Variants in ANK3 observed in about 807,000 individuals in gnomAD.
ANK3 encodes ankyrin 3, also known as ankyrin-3.
Under a neutral mutation model 370.9 loss-of-function variants are expected in ANK3, and 57 were observed. That is an observed-to-expected ratio of 0.15 (90% CI 0.12 to 0.19). ANK3 has a LOEUF of 0.19. Ranked by LOEUF, ANK3 falls within the 10% of genes least tolerant of loss-of-function variation. ANK3 has a pLI of 1.00. For synonymous variants in ANK3, 1,929 were observed against 1,946.3 expected (o/e 0.99, Z 0.23); for missense variants, 4,439 against 5,302.1 (o/e 0.84, Z 5.06).
intron 2 of ANK3, among the ~76,000 whole-genome samples, chr10:60,518,353 T>C (rs985145771): frequency 4.6e-5 from 7 of 152,148 alleles, no homozygotes; most frequent in African/African-American, 1.4e-4. Context: ...CTGTTGCTGC[T>C]CTGGCCTCCT....
intron 2 of ANK3, among the ~76,000 whole-genome samples, chr10:60,498,670 C>T (rs1237530820): frequency 6.6e-6 from 1 of 152,202 alleles, no homozygotes; most frequent in African/African-American, 2.4e-5. Context: ...GGATTACTGC[C>T]TTGATAATAT....
chr10:60,588,278 G>A (rs544595497), intron 2 of ANK3, among the ~76,000 whole-genome samples: 17 of 150,478 alleles, frequency 1.1e-4, no homozygotes, highest in African/African-American at 2.4e-4. Flanking sequence ...TCTGCCTCCC[G>A]GGTTCAAGCA....
At chr10:60,719,828 A>C (rs2079838860) in intron 1 of ANK3, among the ~76,000 whole-genome samples, 1 of 152,194 alleles carries the variant, frequency 6.6e-6, no homozygotes, top group Non-Finnish European at 1.5e-5. Flanking sequence ...ATAAACCAAT[A>C]AAAAATATAT....
intron 1 of ANK3, among the ~76,000 whole-genome samples, chr10:60,286,116 C>G (rs1007100743): frequency 6.6e-6 from 1 of 152,036 alleles, no homozygotes; most frequent in Non-Finnish European, 1.5e-5. Context: ...CATAAACACC[C>G]ACATACCCTC....
intron 2 of ANK3, among the ~76,000 whole-genome samples, chr10:60,575,516 A>G (rs1055630292): frequency 6.6e-6 from 1 of 152,214 alleles, no homozygotes; most frequent in African/African-American, 2.4e-5. Flanking sequence ...TGTTTAAAAT[A>G]TGTCAAATTA....
At chr10:60,237,575 G>C (rs999282671) in intron 7 of ANK3, among the ~76,000 whole-genome samples, 6 of 151,564 alleles carry the variant, frequency 4.0e-5, no homozygotes, top group Non-Finnish European at 8.8e-5. Context: ...TGACAAAAAG[G>C]TGCCTTGAGT....
At chr10:60,683,859 G>T (rs1254204840) in intron 1 of ANK3, among the ~76,000 whole-genome samples, 1 of 152,204 alleles carries the variant, frequency 6.6e-6, no homozygotes, top group Non-Finnish European at 1.5e-5. Context: ...AGAAAGGTAG[G>T]CATGCAGGAA....
intron 2 of ANK3, among the ~76,000 whole-genome samples, chr10:60,528,134 C>CTTTTTTTTTTTTTTTTTTTTTT (rs35837089): frequency 1.6e-5 from 2 of 124,264 alleles, no homozygotes; most frequent in African/African-American, 2.9e-5. Context: ...TTTTCTTCTT[C>CTTTTTTTTTTTTTTTTTTTTTT]TTCTTTTTTT....
chr10:60,494,464 G>T (rs1030722220), intron 2 of ANK3, among the ~76,000 whole-genome samples: 16 of 152,084 alleles, frequency 1.1e-4, no homozygotes, highest in African/African-American at 2.4e-5. Flanking sequence ...AGGCATTCTT[G>T]TGCTATCACT....
chr10:60,138,502 T>A (rs771929893), intron 24 of ANK3: 4 of 401,752 alleles, frequency 1.0e-5, no homozygotes, highest in Non-Finnish European at 1.7e-5. Flanking sequence ...TGGACAACTT[T>A]AATAAACAAC....
intron 1 of ANK3, among the ~76,000 whole-genome samples, chr10:60,314,045 A>G (rs2046931661): frequency 6.6e-6 from 1 of 151,314 alleles, no homozygotes; most frequent in African/African-American, 2.4e-5. Context: ...AAAGTTACCT[A>G]TTGGTTACTG....
intron 1 of ANK3, among the ~76,000 whole-genome samples, chr10:60,384,008 A>G (rs1322795797): frequency 2.0e-5 from 3 of 152,206 alleles, no homozygotes; most frequent in African/African-American, 4.8e-5. Context: ...TAAATACAGA[A>G]CCCAAAGTCC....
rs564513896 is a variant in ANK3, at chr10:60,616,432, A to G, written c.58-1208T>C. ...TCTCTTTCAATACACACAGTCTCACATATACAGTGTTTTAAACAAGATTGA... is the reference window on the plus strand; with the variant it reads ...TCTCTTTCAATACACACAGTCTCACGTATACAGTGTTTTAAACAAGATTGA... On this transcript the variant is annotated intron_variant, in intron 1 of 43. Transcript: ENST00000373827. Among the ~76,000 whole-genome samples the G allele has an allele frequency of 4.3e-4, 65 of 152,300 alleles. 1 individual carries two copies. In the South Asian group the frequency reaches 0.013, roughly 30 times the overall value.
intron 1 of ANK3, among the ~76,000 whole-genome samples, chr10:60,369,473 C>G (rs2059828939): frequency 6.6e-6 from 1 of 152,204 alleles, no homozygotes; most frequent in Non-Finnish European, 1.5e-5. Context: ...AATGACCCAG[C>G]TGTGGTCTAC....
intron 18 of ANK3, among the ~76,000 whole-genome samples, chr10:60,177,613 T>G (rs1273465471): frequency 6.7e-6 from 1 of 149,270 alleles, no homozygotes; most frequent in Non-Finnish European, 1.5e-5. Context: ...TTTTTTTTTG[T>G]TTGAGATGGA....
chr10:60,689,562 G>A (rs2079319723), intron 1 of ANK3, among the ~76,000 whole-genome samples: 1 of 152,072 alleles, frequency 6.6e-6, no homozygotes, highest in Admixed American at 6.5e-5. Flanking sequence ...GACCAGCCTG[G>A]CTAACATGGC....
At chr10:60,190,011 C>A (rs2096444340) in intron 16 of ANK3, among the ~76,000 whole-genome samples, 1 of 152,302 alleles carries the variant, frequency 6.6e-6, no homozygotes, top group African/African-American at 2.4e-5. Flanking sequence ...TATGCCTGAA[C>A]TCAAGCCAAT....
chr10:60,253,737 C>T (rs1271467249), intron 7 of ANK3, among the ~76,000 whole-genome samples: 5 of 152,114 alleles, frequency 3.3e-5, no homozygotes, highest in Admixed American at 3.3e-4. Context: ...TCTCAAATCC[C>T]CATTTTCATG....
At chr10:60,043,440 G>A (rs1352641987) in intron 42 of ANK3, 1 of 984,404 alleles carries the variant, frequency 1.0e-6, no homozygotes, top group Non-Finnish European at 1.2e-6. Context: ...AATTGAAAAG[G>A]GTAGAGATCT....
Sources: gnomAD v4.1 joint callset for allele counts (sites outside exome capture counted in the v4.1 genomes callset) on GRCh38, gnomAD v4.1.1 for gene constraint, MANE v1.5 for transcripts, NCBI Gene and HGNC (gene_info 2026-07-23, HGNC 2026-07-21) for gene names.